The following NCKAP5 variants were observed in gnomAD, a reference collection of about 807,000 sequenced individuals.
NCKAP5 encodes the protein nck-associated protein 5.
Under a neutral mutation model 167.0 loss-of-function variants are expected in NCKAP5, and 92 were observed. The observed-to-expected ratio is 0.55, with a 90% CI of 0.47 to 0.66. The LOEUF is 0.66. Among genes scored for constraint, NCKAP5 ranks in the 30% least tolerant of loss-of-function variants. The pLI, the probability that NCKAP5 is intolerant of heterozygous loss-of-function variation, is 0.00. For missense variants in NCKAP5, 2,378 were observed against 2,315.0 expected, an observed-to-expected ratio of 1.03 and a Z score of -0.56; for synonymous variants, 891 against 877.4, an observed-to-expected ratio of 1.02 and a Z score of -0.27.
the NCKAP5 span, among the ~76,000 whole-genome samples, chr2:133,665,787 A>C: frequency 6.6e-6 from 1 of 152,240 alleles, no homozygotes; most frequent in South Asian, 2.1e-4. Flanking sequence ...TTGTGGGTAA[A>C]AACTGTTAAC....
At chr2:133,263,310 C>A (rs1172716790) in intron 4 of NCKAP5, among the ~76,000 whole-genome samples, 2 of 150,786 alleles carry the variant, frequency 1.3e-5, no homozygotes, top group African/African-American at 4.9e-5. Context: ...CTCTACATGT[C>A]TAAAACTTGC....
intron 3 of NCKAP5, among the ~76,000 whole-genome samples, chr2:133,361,813 C>G (rs1559416607): frequency 6.6e-6 from 1 of 152,150 alleles, no homozygotes; most frequent in South Asian, 2.1e-4. Context: ...GCAAATAAGT[C>G]TAGCAAATGT....
At chr2:132,889,590 C>T (rs13402624) in intron 8 of NCKAP5, among the ~76,000 whole-genome samples, 4,316 of 151,726 alleles carry the variant, frequency 0.028, 178 homozygotes, top group African/African-American at 0.097. Context: ...AAGAGGTGAC[C>T]GACCCTTGAA....
chr2:132,811,308 T>C (rs1385916739), intron 11 of NCKAP5, among the ~76,000 whole-genome samples: 1 of 152,078 alleles, frequency 6.6e-6, no homozygotes, highest in Non-Finnish European at 1.5e-5. Context: ...AGGGACCAGC[T>C]GTGGGCGGGG....
Position 133,085,818 on chromosome 2 carries a change from C to A in NCKAP5, c.341+44160G>T, listed in dbSNP as rs566253496. ...ACAGCAGAGGAAAGATGAGAATACACAGACCACAGTGAAAACTAGAACCAG... is the reference window on the plus strand; with the variant it reads ...ACAGCAGAGGAAAGATGAGAATACAAAGACCACAGTGAAAACTAGAACCAG... On this transcript the variant is annotated intron_variant, in intron 6 of 19. Transcript: ENST00000409261. 5.3e-5 allele frequency among the ~76,000 whole-genome samples: 8 copies of A among 152,200 alleles called. No individual in the cohort carries two copies. The South Asian group carries it at 1.7e-3, about 32-fold the overall frequency.
At chr2:132,715,880 CACAA>C (rs1465942844) in intron 19 of NCKAP5, among the ~76,000 whole-genome samples, 1 of 152,200 alleles carries the variant, frequency 6.6e-6, no homozygotes, top group Non-Finnish European at 1.5e-5. Flanking sequence ...CATATTTTGG[CACAA>C]ACATTTGACA....
chr2:133,368,327 A>G (rs1685582064), intron 3 of NCKAP5, among the ~76,000 whole-genome samples: 1 of 152,240 alleles, frequency 6.6e-6, no homozygotes, highest in Non-Finnish European at 1.5e-5. Context: ...AAAAGATGCT[A>G]TGTAAATGGA....
At chr2:133,124,792 T>C (rs756068714) in intron 6 of NCKAP5, among the ~76,000 whole-genome samples, 10 of 152,206 alleles carry the variant, frequency 6.6e-5, no homozygotes, top group Non-Finnish European at 5.9e-5. Context: ...GGCATGGTGG[T>C]TCACCAGCAC....
chr2:132,864,536 A>T (rs1161726274), intron 10 of NCKAP5, among the ~76,000 whole-genome samples: 1 of 152,170 alleles, frequency 6.6e-6, no homozygotes, highest in Non-Finnish European at 1.5e-5. Flanking sequence ...TCTCTGGAGG[A>T]TCCACACACT....
intron 6 of NCKAP5, among the ~76,000 whole-genome samples, chr2:133,115,439 CT>C (rs896561310): frequency 1.3e-5 from 2 of 152,102 alleles, no homozygotes; most frequent in Admixed American, 1.3e-4. Flanking sequence ...ATTGTTCACT[CT>C]GTAGATTTGC....
rs931165195 is a variant in NCKAP5 at position 133,395,805 on chromosome 2, G to A, written c.70-92695C>T. On this transcript the variant is annotated intron_variant, in intron 3 of 19. Coordinates refer to ENST00000409261, the MANE Select transcript of NCKAP5 (RefSeq NM_207363.3). Reference sequence around the variant, plus strand: ...AGGCTATAGGTGTCCCACCACACTCGGCTATTTTTTAAATTTTTTTTGTAG... The same window carrying A: ...AGGCTATAGGTGTCCCACCACACTCAGCTATTTTTTAAATTTTTTTTGTAG... 3.3e-5 allele frequency among the ~76,000 whole-genome samples: 5 copies of A among 151,904 alleles called. No homozygotes were observed. In the East Asian group the frequency reaches 5.8e-4, roughly 18 times the overall value.
intron 6 of NCKAP5, among the ~76,000 whole-genome samples, chr2:133,108,525 C>A (rs913173723): frequency 1.3e-5 from 2 of 152,116 alleles, no homozygotes; most frequent in African/African-American, 4.8e-5. Context: ...TATAATGAAC[C>A]CTGTTAGCCT....
intron 11 of NCKAP5, among the ~76,000 whole-genome samples, chr2:132,807,726 T>A (rs1352706776): frequency 6.6e-6 from 1 of 152,190 alleles, no homozygotes; most frequent in Non-Finnish European, 1.5e-5. Flanking sequence ...GACTTCATTT[T>A]AACCAATTTG....
At chr2:133,315,591 C>T (rs921676305) in intron 3 of NCKAP5, among the ~76,000 whole-genome samples, 1 of 135,776 alleles carries the variant, frequency 7.4e-6, no homozygotes, top group African/African-American at 2.8e-5. Context: ...GAAGGAACCA[C>T]AGTAAAGAAA....
At chr2:133,594,262 C>A in the NCKAP5 span, among the ~76,000 whole-genome samples, 1 of 152,218 alleles carries the variant, frequency 6.6e-6, no homozygotes, top group African/African-American at 2.4e-5. Flanking sequence ...TGACTCTCGA[C>A]TTCGTTGGCT....
At chr2:132,971,067 T>C (rs780554623) in intron 7 of NCKAP5, among the ~76,000 whole-genome samples, 3 of 152,230 alleles carry the variant, frequency 2.0e-5, no homozygotes, top group Non-Finnish European at 4.4e-5. Context: ...CTGAGGAATA[T>C]GCCAGGCATA....
intron 6 of NCKAP5, among the ~76,000 whole-genome samples, chr2:133,058,344 C>T (rs2149506957): frequency 6.6e-6 from 1 of 152,300 alleles, no homozygotes; most frequent in South Asian, 2.1e-4. Flanking sequence ...AGTGATTCCT[C>T]TGATCCATCT....
intron 5 of NCKAP5, among the ~76,000 whole-genome samples, chr2:133,194,027 T>C (rs778980857): frequency 1.3e-5 from 2 of 152,144 alleles, no homozygotes; most frequent in African/African-American, 2.4e-5. Flanking sequence ...TGCACAAATA[T>C]ACATTGATAT....
intron 3 of NCKAP5, among the ~76,000 whole-genome samples, chr2:133,379,808 T>C (rs1197248051): frequency 6.6e-6 from 1 of 152,230 alleles, no homozygotes; most frequent in Non-Finnish European, 1.5e-5. Flanking sequence ...CTGTCATTTA[T>C]GTATCAGAGA....
Sources: allele counts gnomAD v4.1 joint callset (sites outside exome capture counted in the v4.1 genomes callset), GRCh38; gene constraint gnomAD v4.1.1; transcripts MANE v1.5; gene names NCBI Gene and HGNC (gene_info 2026-07-23, HGNC 2026-07-21).